PHKB: variants seen among roughly 807,000 people sequenced by gnomAD.
The protein encoded by PHKB is phosphorylase kinase regulatory subunit beta, also known as phosphorylase b kinase regulatory subunit beta.
Under a neutral mutation model 152.1 loss-of-function variants are expected in PHKB, and 122 were observed. The ratio of observed to expected loss-of-function variants is 0.80; its 90% CI spans 0.69 to 0.93. PHKB has a LOEUF of 0.93. Among genes scored for constraint, PHKB ranks in the 40% least tolerant of loss-of-function variants. The pLI is 0.00. For missense variants in PHKB, 1,304 were observed against 1,328.4 expected, an observed-to-expected ratio of 0.98 and a Z score of 0.29; for synonymous variants, 436 against 464.9, an observed-to-expected ratio of 0.94 and a Z score of 0.80.
At chr16:47,464,107 A>G (rs1969625140) in intron 1 of PHKB, 2 of 766,000 alleles carry the variant, frequency 2.6e-6, no homozygotes, top group African/African-American at 1.7e-5. Context: ...TGGTGGGCCC[A>G]GGCCTGAGTA....
intron 5 of PHKB, among the ~76,000 whole-genome samples, chr16:47,514,661 A>G (rs1209853156): frequency 6.6e-6 from 1 of 152,176 alleles, no homozygotes. Context: ...CCCAGAAATA[A>G]TGCTTTGCCA....
intron 1 of PHKB, among the ~76,000 whole-genome samples, chr16:47,497,055 G>A (rs948487181): frequency 1.3e-5 from 2 of 152,264 alleles, no homozygotes; most frequent in Middle Eastern, 3.4e-3. Context: ...CCCATAATTA[G>A]ACATATTTCT....
chr16:47,639,602 G>A (rs1160256534), intron 14 of PHKB, among the ~76,000 whole-genome samples: 1 of 152,160 alleles, frequency 6.6e-6, no homozygotes, highest in African/African-American at 2.4e-5. Context: ...GGCCATTTTA[G>A]ATCTGAGTAC....
intron 7 of PHKB, 31 bp downstream of exon 7, chr16:47,547,579 T>A (rs754345458): frequency 2.3e-5 from 26 of 1,149,440 alleles, no homozygotes; most frequent in African/African-American, 7.6e-5. Context: ...GTTTTTTTTT[T>A]AAATTAAATG....
chr16:47,594,285 G>A (rs1972081321), intron 12 of PHKB, 71 bp downstream of exon 12: 2 of 793,260 alleles, frequency 2.5e-6, no homozygotes, highest in Non-Finnish European at 4.4e-6. Context: ...GTATAAGTGA[G>A]TCCTTTGTAA....
At chr16:47,541,986 A>G (rs1971068510) in intron 6 of PHKB, among the ~76,000 whole-genome samples, 1 of 152,048 alleles carries the variant, frequency 6.6e-6, no homozygotes, top group Admixed American at 6.6e-5. Flanking sequence ...GCTGTGCAGA[A>G]GCTCTTTAGT....
Position 47,641,039 on chromosome 16 carries a change from C to T in PHKB, c.1463C>T (p.Pro488Leu), listed in dbSNP as rs752659134. Residue 488 changes from proline (P) to leucine (L), a missense_variant, in exon 15 of 31, where the codon CCA becomes CTA. Physicochemically the swap from Pro to Leu is moderately conservative, Grantham distance 98 (BLOSUM62 -3). Transcript: ENST00000323584. ...CTCCCTTATTCTGCATTACAGGGCCCACTGGAAAATGACTTGGTAGTTCAT... is the reference window on the plus strand; with the variant it reads ...CTCCCTTATTCTGCATTACAGGGCCTACTGGAAAATGACTTGGTAGTTCAT... ...NVSMRFSNQG[P>L]LENDLVVHVA... 5.6e-6 allele frequency: 9 copies of T among 1,613,578 alleles called. No homozygotes were observed. The highest frequency in any genetic ancestry group is 3.3e-5 in the South Asian group (3 of 91,058).
intron 25 of PHKB, chr16:47,665,328 C>A: frequency 1.2e-5 from 3 of 250,762 alleles, no homozygotes; most frequent in African/African-American, 4.6e-5. Flanking sequence ...ATGTGCTGTA[C>A]TTTAAAAAAA....
intron 14 of PHKB, among the ~76,000 whole-genome samples, chr16:47,635,650 C>A (rs981005395): frequency 6.6e-6 from 1 of 152,158 alleles, no homozygotes; most frequent in African/African-American, 2.4e-5. Flanking sequence ...GAGGAAGTGA[C>A]AAGATAGGAC....
rs111789891 is a variant in PHKB, at chr16:47,684,318, G to A, written c.2631-4723G>A. 2.5e-3 allele frequency among the ~76,000 whole-genome samples: 376 copies of A among 152,024 alleles called. 12 individuals are homozygous for A. The East Asian group carries it at 0.061, about 25-fold the overall frequency. On this transcript the variant is annotated intron_variant, in intron 26 of 30. Coordinates refer to ENST00000323584, the MANE Select transcript of PHKB (RefSeq NM_000293.3). ...TCCACCCTGGGTGACAAGTAAGACC[G>A]TGTCTCAAAAAAAATAAAATAAAAT...
At chr16:47,616,581 TATC>T (rs1001998971) in intron 14 of PHKB, among the ~76,000 whole-genome samples, 9 of 144,182 alleles carry the variant, frequency 6.2e-5, no homozygotes, top group South Asian at 2.1e-4. Context: ...TACATATAAA[TATC>T]ATATATTAAT....
At chr16:47,629,815 A>G (rs1220020512) in intron 14 of PHKB, among the ~76,000 whole-genome samples, 1 of 152,206 alleles carries the variant, frequency 6.6e-6, no homozygotes, top group Admixed American at 6.5e-5. Flanking sequence ...AAAATGTGGC[A>G]CATATACACC....
intron 14 of PHKB, among the ~76,000 whole-genome samples, chr16:47,618,460 A>C (rs957199349): frequency 1.3e-5 from 2 of 152,076 alleles, no homozygotes; most frequent in Non-Finnish European, 2.9e-5. Flanking sequence ...TTCTATACTC[A>C]ATGTTTCTTC....
At chr16:47,657,340 A>C (rs1337083769) in intron 20 of PHKB, among the ~76,000 whole-genome samples, 1 of 152,220 alleles carries the variant, frequency 6.6e-6, no homozygotes. Context: ...ATGATACACA[A>C]GGTTTTTGAC....
intron 6 of PHKB, among the ~76,000 whole-genome samples, chr16:47,544,642 T>C (rs1292196597): frequency 6.6e-6 from 1 of 152,236 alleles, no homozygotes; most frequent in African/African-American, 2.4e-5. Context: ...CTGGATATCC[T>C]TGTTACCCTT....
At chr16:47,665,307 T>C in intron 25 of PHKB, 1 of 324,042 alleles carries the variant, frequency 3.1e-6, no homozygotes, top group Non-Finnish European at 5.9e-6. Flanking sequence ...AAAAATTGTC[T>C]TATGTATTGC....
intron 26 of PHKB, among the ~76,000 whole-genome samples, chr16:47,687,931 G>T (rs1268360443): frequency 2.0e-5 from 3 of 152,212 alleles, no homozygotes; most frequent in Non-Finnish European, 2.9e-5. Flanking sequence ...TACATTGAGA[G>T]ACATTAGTCA....
At chr16:47,477,398 C>A (rs756584637) in intron 1 of PHKB, among the ~76,000 whole-genome samples, 1 of 152,028 alleles carries the variant, frequency 6.6e-6, no homozygotes, top group Non-Finnish European at 1.5e-5. Context: ...TAATCATGTT[C>A]GAAGATTAGT....
Position 47,593,573 on chromosome 16 carries a change from C to T in PHKB, c.1126+16C>T. ...ATGATTGATGGTAAGTAAGCTTTTT[C>T]CTGAAATTTAAGCAAGCTTTTTCCT... On this transcript the variant is annotated intron_variant, in intron 11 of 30. Coordinates refer to ENST00000323584, the MANE Select transcript of PHKB (RefSeq NM_000293.3). 7.1e-7 allele frequency: 1 copy of T among 1,414,494 alleles called. No individual in the cohort carries two copies. The allele number at this position is 1,414,494 out of a possible 1,614,324, so 87.6% of individuals were successfully genotyped here. A position where few individuals can be genotyped will look rare whatever the true frequency, so the allele number is the denominator to read the frequency against.
Sources: allele counts gnomAD v4.1 joint callset (sites outside exome capture counted in the v4.1 genomes callset), GRCh38; gene constraint gnomAD v4.1.1; transcripts MANE v1.5; gene names NCBI Gene and HGNC (gene_info 2026-07-23, HGNC 2026-07-21).